Variants in IL1RAPL2 observed in about 807,000 individuals in gnomAD.
The protein encoded by IL1RAPL2 is X-linked interleukin-1 receptor accessory protein-like 2.
In IL1RAPL2, 3 loss-of-function variants were observed where a neutral mutation model predicts 44.1. The observed-to-expected ratio is 0.07, with a 90% CI of 0.03 to 0.18. The LOEUF (loss-of-function observed/expected upper bound fraction) is 0.18, where lower values mean the gene tolerates loss of function less well. Among genes scored for constraint, IL1RAPL2 ranks in the 10% least tolerant of loss-of-function variants. The pLI is 1.00. For synonymous variants in IL1RAPL2, 181 were observed against 178.8 expected (o/e 1.01, Z -0.10); for missense variants, 391 against 496.4 (o/e 0.79, Z 2.02).
At chrX:104,609,787 G>T (rs1017294711) in intron 1 of IL1RAPL2, among the ~76,000 whole-genome samples, 1 of 111,583 alleles carries the variant, frequency 9.0e-6, no homozygotes, top group Non-Finnish European at 1.9e-5. Context: ...CTTGCCATGG[G>T]TTAGAACATG....
rs187440044 is a variant in IL1RAPL2, at chrX:104,705,743, T to G, written c.82+46748T>G. Among the ~76,000 whole-genome samples, 463 of 111,299 alleles carry G rather than the reference T, an allele frequency of 4.2e-3. 2 individuals carry two copies. The highest frequency in any genetic ancestry group is 0.014 in the African/African-American group (442 of 30,617). ...TAAACTGGAGGCGAGAGGGAAATCT[T>G]TTTGAGTATGGTTGGTTAGGGAAAG... On this transcript the variant is annotated intron_variant, in intron 2 of 10. Coordinates refer to ENST00000372582, the MANE Select transcript of IL1RAPL2 (RefSeq NM_017416.2).
At chrX:105,431,632 T>G (rs757877935) in intron 5 of IL1RAPL2, among the ~76,000 whole-genome samples, 21 of 111,260 alleles carry the variant, frequency 1.9e-4, no homozygotes, top group Non-Finnish European at 3.6e-4. Flanking sequence ...TTCGACGGCT[T>G]TAGGCAAAGA....
chrX:105,110,560 CA>C (rs2032790883), intron 2 of IL1RAPL2, among the ~76,000 whole-genome samples: 1 of 111,935 alleles, frequency 8.9e-6, no homozygotes, highest in Admixed American at 9.5e-5. Flanking sequence ...ACTTTAGAAA[CA>C]AATCAAGGTA....
chrX:105,072,328 C>A (rs1241198796), intron 2 of IL1RAPL2, among the ~76,000 whole-genome samples: 1 of 111,610 alleles, frequency 9.0e-6, no homozygotes, highest in Non-Finnish European at 1.9e-5. Context: ...GTCTTGGGTA[C>A]TATCTTTATA....
At chrX:105,744,688 T>C (rs1294643414) in intron 8 of IL1RAPL2, among the ~76,000 whole-genome samples, 1 of 111,583 alleles carries the variant, frequency 9.0e-6, no homozygotes, top group Non-Finnish European at 1.9e-5. Context: ...GGATCAAGTT[T>C]TGTAACCTAT....
At chrX:105,218,102 T>TA (rs201426592) in intron 3 of IL1RAPL2, among the ~76,000 whole-genome samples, 1,772 of 108,510 alleles carry the variant, frequency 0.016, 39 homozygotes, top group African/African-American at 0.054. Context: ...TCCCAGAACT[T>TA]AAAAAAAAAA....
chrX:105,445,643 AC>A (rs2035949489), intron 5 of IL1RAPL2, among the ~76,000 whole-genome samples: 1 of 110,931 alleles, frequency 9.0e-6, no homozygotes, highest in Non-Finnish European at 1.9e-5. Flanking sequence ...TTCTTCATTG[AC>A]CCTCTGCTTA....
At chrX:105,297,966 A>C (rs1327660106) in intron 5 of IL1RAPL2, among the ~76,000 whole-genome samples, 2 of 110,607 alleles carry the variant, frequency 1.8e-5, no homozygotes, top group African/African-American at 3.3e-5. Flanking sequence ...TTTTCTTTTT[A>C]AAATTTTTTA....
At chrX:105,286,671 AC>A (rs1380759626) in intron 5 of IL1RAPL2, among the ~76,000 whole-genome samples, 2 of 110,427 alleles carry the variant, frequency 1.8e-5, no homozygotes, top group African/African-American at 6.6e-5. Flanking sequence ...CAAACAACCT[AC>A]TGAATAAAGA....
chrX:104,931,142 G>A (rs1416338781), intron 2 of IL1RAPL2, among the ~76,000 whole-genome samples: 4 of 110,184 alleles, frequency 3.6e-5, no homozygotes, highest in Non-Finnish European at 7.6e-5. Flanking sequence ...AAAAATGGTG[G>A]GAATTCCTAA....
At chrX:105,267,996 T>C (rs2034417023) in intron 5 of IL1RAPL2, among the ~76,000 whole-genome samples, 1 of 112,033 alleles carries the variant, frequency 8.9e-6, no homozygotes, top group African/African-American at 3.2e-5. Context: ...GTGATGTTAT[T>C]GTGAGCTTCT....
At chrX:104,945,391 A>T (rs1312973734) in intron 2 of IL1RAPL2, among the ~76,000 whole-genome samples, 1 of 111,360 alleles carries the variant, frequency 9.0e-6, no homozygotes, top group Non-Finnish European at 1.9e-5. Flanking sequence ...GGATAAGACT[A>T]TTATCCTACT....
intron 5 of IL1RAPL2, among the ~76,000 whole-genome samples, chrX:105,337,889 TCACACA>T (rs748127601): frequency 1.9e-5 from 2 of 104,705 alleles, no homozygotes; most frequent in African/African-American, 7.1e-5. Context: ...AGACTCCATC[TCACACA>T]CACACACACA....
chrX:105,278,923 CAT>C (rs2034506691), intron 5 of IL1RAPL2, among the ~76,000 whole-genome samples: 1 of 111,681 alleles, frequency 9.0e-6, no homozygotes. Context: ...TTTGCTACTA[CAT>C]GTTTTACATT....
intron 2 of IL1RAPL2, among the ~76,000 whole-genome samples, chrX:104,681,183 C>T (rs974170576): frequency 8.9e-6 from 1 of 112,277 alleles, no homozygotes; most frequent in Admixed American, 9.5e-5. Context: ...ACATATAATA[C>T]TCTCAATAAA....
chrX:104,604,533 C>T (rs1928959958), intron 1 of IL1RAPL2, among the ~76,000 whole-genome samples: 1 of 107,248 alleles, frequency 9.3e-6, no homozygotes, highest in Non-Finnish European at 1.9e-5. Context: ...AGAGTCAAGA[C>T]CCATCAGTGT....
intron 2 of IL1RAPL2, among the ~76,000 whole-genome samples, chrX:104,943,581 C>T (rs1925258232): frequency 9.0e-6 from 1 of 111,238 alleles, no homozygotes; most frequent in Non-Finnish European, 1.9e-5. Flanking sequence ...TTTCCCCTAC[C>T]TGGAATGTTC....
At chrX:105,734,178 T>C (rs1446113698) in intron 7 of IL1RAPL2, among the ~76,000 whole-genome samples, 1 of 110,506 alleles carries the variant, frequency 9.0e-6, no homozygotes, top group Non-Finnish European at 1.9e-5. Flanking sequence ...AGGAGCCTGA[T>C]TGATGTTGTG....
chrX:105,091,059 T>C (rs1168107594), intron 2 of IL1RAPL2, among the ~76,000 whole-genome samples: 3 of 112,250 alleles, frequency 2.7e-5, no homozygotes, highest in African/African-American at 9.7e-5. Flanking sequence ...GTGACTTATA[T>C]AAATTAGTTA....
Sources: allele counts gnomAD v4.1 joint callset (sites outside exome capture counted in the v4.1 genomes callset), GRCh38; gene constraint gnomAD v4.1.1; transcripts MANE v1.5; gene names NCBI Gene and HGNC (gene_info 2026-07-23, HGNC 2026-07-21).